SUMF2: variants seen among roughly 807,000 people sequenced by gnomAD.
The protein encoded by SUMF2 is sulfatase modifying factor 2, also known as inactive C-alpha-formylglycine-generating enzyme 2.
Under a neutral mutation model 44.8 loss-of-function variants are expected in SUMF2, and 45 were observed. The ratio of observed to expected loss-of-function variants is 1.00; its 90% CI spans 0.79 to 1.29. The LOEUF (loss-of-function observed/expected upper bound fraction) is 1.29. SUMF2 is among the 50% of genes most tolerant of loss of function. The pLI, the probability that SUMF2 is intolerant of heterozygous loss-of-function variation, is 0.00. For synonymous variants in SUMF2, 148 were observed against 150.4 expected (o/e 0.98, Z 0.12); for missense variants, 418 against 389.9 (o/e 1.07, Z -0.61).
rs1276100101 is a variant in SUMF2 at position 56,078,413 on chromosome 7, C to G, written c.726C>G (p.Tyr242Ter). 1.2e-6 allele frequency: 2 copies of G among 1,612,000 alleles called. No homozygotes were observed. The highest frequency in any genetic ancestry group is 1.7e-5 in the Admixed American group (1 of 59,754). The change falls in exon 8 of 9, where the codon TAC becomes TAG. Residue 242 changes from tyrosine to a stop codon, truncating the protein, a stop_gained. Coordinates refer to ENST00000434526, the MANE Select transcript of SUMF2 (RefSeq NM_015411.4). LOFTEE classifies it high-confidence loss of function. ...TGTGGGAGTGGACAGCATCACCGTA[C>G]CAGGCTGCTGAGCAGGACATGCGCG... Reference protein sequence around the residue: ...GNVWEWTASPYQAAEQDMRVL... With the variant: ...GNVWEWTASP
At chr7:56,070,744 T>C (rs1325841467) in intron 2 of SUMF2, among the ~76,000 whole-genome samples, 1 of 152,124 alleles carries the variant, frequency 6.6e-6, no homozygotes, top group Non-Finnish European at 1.5e-5. Context: ...AAACAGGAGA[T>C]AACTCACATG....
intron 5 of SUMF2, among the ~76,000 whole-genome samples, chr7:56,076,095 C>T (rs367759453): frequency 3.5e-4 from 52 of 150,638 alleles, no homozygotes; most frequent in African/African-American, 1.1e-3. Flanking sequence ...GGCGCGATCG[C>T]GGCTCACTGC....
intron 1 of SUMF2, among the ~76,000 whole-genome samples, chr7:56,066,919 C>T (rs1562858544): frequency 6.6e-6 from 1 of 152,224 alleles, no homozygotes; most frequent in South Asian, 2.1e-4. Flanking sequence ...CGCACCTGGC[C>T]AGTCCTTTTT....
At position 56,064,309 on chromosome 7, in the gene SUMF2, C is replaced by T. The variant is rs759861996; in HGVS notation, c.-3C>T. On this transcript the variant is annotated 5_prime_UTR_variant, in exon 1 of 9. Coordinates refer to ENST00000434526, the MANE Select transcript of SUMF2 (RefSeq NM_015411.4). ...GTGTACGCGGCGCAGCGCGGCAGTC[C>T]TGATGGCCCGGCATGGGTTACCGCT... 1.3e-5 allele frequency: 20 copies of T among 1,590,022 alleles called. No homozygotes were observed. Among genetic ancestry groups the T allele is most frequent in the Admixed American group, 5.4e-5 (3 of 55,966 alleles).
intron 1 of SUMF2, among the ~76,000 whole-genome samples, chr7:56,065,245 C>A (rs1279436453): frequency 2.0e-5 from 3 of 151,930 alleles, no homozygotes; most frequent in Admixed American, 1.3e-4. Context: ...GAACGACCCC[C>A]GCCCCCACGT....
the SUMF2 span, chr7:56,086,886 G>T: frequency 9.9e-7 from 1 of 1,010,594 alleles, no homozygotes; most frequent in Non-Finnish European, 1.6e-6. Context: ...GCTGGCTGTG[G>T]TCTCCAGGCA....
Position 56,074,704 on chromosome 7 carries a change from A to T in SUMF2, c.503A>T (p.Glu168Val). 1 of 1,614,090 alleles carries T rather than the reference A, an allele frequency of 6.2e-7. No homozygotes were observed. Among genetic ancestry groups the T allele is most frequent in the Non-Finnish European group, 8.5e-7 (1 of 1,180,022 alleles). The change falls in exon 5 of 9, where the codon GAG becomes GTG. Residue 168 changes from glutamate to valine, a missense_variant. Glu to Val is a moderately radical substitution (Grantham distance 121). Coordinates refer to ENST00000434526, the MANE Select transcript of SUMF2 (RefSeq NM_015411.4). ...GGAAAACGACTGCCCACGGAGGAAG[A>T]GTGGGAGTTTGCCGCCCGAGGGGGC... is the stretch of plus-strand genomic sequence containing the variant. ...WRGKRLPTEEEWEFAARGGLK... is the reference protein window; with the variant it reads ...WRGKRLPTEEVWEFAARGGLK...
downstream of SUMF2, chr7:56,084,341 A>T: frequency 1.6e-6 from 1 of 644,548 alleles, no homozygotes; most frequent in Non-Finnish European, 2.7e-6. Context: ...AGGACCCCAG[A>T]CCCAGATCAG....
chr7:56,068,148 C>G lies in SUMF2; in HGVS notation c.68-334C>G, dbSNP rs1794932918. ...TCCCGGGTTTACACCATTCTCCTGC[C>G]TCAGCCTCCCAAGTAGCTGGGACTA... On this transcript the variant is annotated intron_variant, in intron 1 of 8. Coordinates refer to ENST00000434526, the MANE Select transcript of SUMF2 (RefSeq NM_015411.4). 1.3e-5 allele frequency among the ~76,000 whole-genome samples: 2 copies of G among 151,066 alleles called. 1 individual carries two copies. Among genetic ancestry groups the G allele is most frequent in the South Asian group, 4.2e-4 (2 of 4,798 alleles).
At chr7:56,080,985 C>G, downstream of SUMF2, 1 of 1,576,884 alleles carries the variant, frequency 6.3e-7, no homozygotes, top group Non-Finnish European at 8.6e-7. Context: ...GCATCTCACC[C>G]CTTTGACTTG....
intron 3 of SUMF2, 119 bp from the exon 4 acceptor site, chr7:56,074,055 C>T: frequency 1.5e-6 from 1 of 685,846 alleles, no homozygotes; most frequent in South Asian, 1.5e-5. Flanking sequence ...TCAGCCACAA[C>T]CTCACTTAGA....
chr7:56,082,183 G>A (rs940215502), downstream of SUMF2: 2 of 1,613,774 alleles, frequency 1.2e-6, no homozygotes, highest in Non-Finnish European at 1.7e-6. Flanking sequence ...CTTTCCCGTA[G>A]CCCGGGTGGT....
the SUMF2 span, among the ~76,000 whole-genome samples, chr7:56,086,334 G>C: frequency 6.6e-4 from 100 of 151,908 alleles, no homozygotes; most frequent in Non-Finnish European, 1.3e-3. Flanking sequence ...TTATAAGTTA[G>C]GCACAGTCAG....
downstream of SUMF2, among the ~76,000 whole-genome samples, chr7:56,084,410 A>G (rs1796163512): frequency 7.3e-6 from 1 of 137,392 alleles, no homozygotes; most frequent in African/African-American, 2.8e-5. Flanking sequence ...GTTTTTGCTC[A>G]TCACCCAGGC....
At chr7:56,074,550 T>A in intron 4 of SUMF2, 36 bp from the exon 5 acceptor site, 1 of 1,607,558 alleles carries the variant, frequency 6.2e-7, no homozygotes, top group South Asian at 1.1e-5. Context: ...CTTAATGCGC[T>A]CCCGGAAGCC....
chr7:56,080,089 T>C lies in SUMF2; in HGVS notation c.*477T>C. The C allele has an allele frequency of 1.8e-6, 1 of 562,034 alleles. No individual in the cohort carries two copies. The highest frequency in any genetic ancestry group is 3.1e-6 in the Non-Finnish European group (1 of 317,876). 34.8% of individuals were successfully genotyped at this position (562,034 alleles called of 1,614,324 possible). Reference sequence around the variant, plus strand: ...CCTCATCTGTGGTTTCGTGTCCCTCTGAAGGAAACTAGTTTCCACTGTGTA... The same window carrying C: ...CCTCATCTGTGGTTTCGTGTCCCTCCGAAGGAAACTAGTTTCCACTGTGTA... On this transcript the variant is annotated 3_prime_UTR_variant, in exon 9 of 9. Transcript: ENST00000434526.
rs1327137077 is a variant in SUMF2 at position 56,078,613 on chromosome 7, G to T, written c.821+105G>T. ...CCTTCACACCACCAACCGTCTGTGTGTGATGAGCTGGTCCCAGCACCTCCC... is the reference window on the plus strand; with the variant it reads ...CCTTCACACCACCAACCGTCTGTGTTTGATGAGCTGGTCCCAGCACCTCCC... On this transcript the variant is annotated intron_variant, in intron 8 of 8. Transcript: ENST00000434526. The T allele has an allele frequency of 5.2e-6, 7 of 1,333,674 alleles. No individual in the cohort carries two copies. The East Asian group carries it at 1.9e-4, about 36-fold the overall frequency. The allele number at this position is 1,333,674 out of a possible 1,614,324, so 82.6% of individuals were successfully genotyped here. A position where few individuals can be genotyped will look rare whatever the true frequency, so the allele number is the denominator to read the frequency against.
chr7:56,069,310 A>C (rs931966887), intron 2 of SUMF2, among the ~76,000 whole-genome samples: 4 of 151,962 alleles, frequency 2.6e-5, no homozygotes, highest in African/African-American at 9.7e-5. Context: ...GAGTCCTTTA[A>C]ATTCCCCTTA....
At position 56,074,156 on chromosome 7, in the gene SUMF2, T is replaced by A. The variant is rs765627806; in HGVS notation, c.340-18T>A. 18 of 1,613,686 alleles carry A rather than the reference T, an allele frequency of 1.1e-5. No homozygotes were observed. In the South Asian group the frequency reaches 2.0e-4, roughly 18 times the overall value. ...CTGGGCCGGAGCATCTTGCAGTCGG[T>A]CTCCTTCTTTTTCGCAGTCTGTACT... On this transcript the variant is annotated intron_variant, in intron 3 of 8. Transcript: ENST00000434526.
Sources: allele counts gnomAD v4.1 joint callset (sites outside exome capture counted in the v4.1 genomes callset), GRCh38; gene constraint gnomAD v4.1.1; transcripts MANE v1.5; gene names NCBI Gene and HGNC (gene_info 2026-07-23, HGNC 2026-07-21).